GAS7: variants seen among roughly 807,000 people sequenced by gnomAD.
GAS7 encodes the protein growth arrest-specific protein 7.
In GAS7, 28 loss-of-function variants were observed where a neutral mutation model predicts 71.1. The ratio of observed to expected loss-of-function variants is 0.39; its 90% CI spans 0.29 to 0.54. The LOEUF is 0.54. Among genes scored for constraint, GAS7 ranks in the 20% least tolerant of loss-of-function variants. The probability of loss-of-function intolerance (pLI) is 0.62; values close to 1 mark genes in which losing one functional copy is unlikely to be tolerated. For missense variants in GAS7, 436 were observed against 627.8 expected (o/e 0.69, Z 3.27); for synonymous variants, 258 against 245.8 (o/e 1.05, Z -0.46).
At chr17:10,120,549 T>TA (rs2073896102) in intron 1 of GAS7, among the ~76,000 whole-genome samples, 1 of 152,006 alleles carries the variant, frequency 6.6e-6, no homozygotes, top group Non-Finnish European at 1.5e-5. Context: ...CCGTCTCTAC[T>TA]AAAAATACCA....
intron 9 of GAS7, among the ~76,000 whole-genome samples, chr17:9,927,334 CAA>C (rs1238561932): frequency 5.4e-5 from 8 of 148,214 alleles, no homozygotes; most frequent in African/African-American, 2.0e-4. Context: ...CACACACACA[CAA>C]ATTAGCTGGG....
chr17:10,057,325 C>T (rs1332981797), intron 1 of GAS7, among the ~76,000 whole-genome samples: 2 of 151,796 alleles, frequency 1.3e-5, no homozygotes, highest in Non-Finnish European at 2.9e-5. Flanking sequence ...CTCTTCCCAG[C>T]TGCCATCCCA....
intron 1 of GAS7, among the ~76,000 whole-genome samples, chr17:10,069,526 T>C (rs2073318371): frequency 6.6e-6 from 1 of 152,206 alleles, no homozygotes; most frequent in Non-Finnish European, 1.5e-5. Flanking sequence ...ATGACAAGCA[T>C]GAGCTCATTT....
intron 1 of GAS7, among the ~76,000 whole-genome samples, chr17:10,178,702 C>CTTTTT (rs397857157): frequency 0.011 from 387 of 34,602 alleles, 119 homozygotes; most frequent in Non-Finnish European, 0.014. Context: ...CCCCCACCAC[C>CTTTTT]TTTTTTTTTT....
chr17:10,177,236 C>T (rs1209597071), intron 1 of GAS7, among the ~76,000 whole-genome samples: 1 of 152,132 alleles, frequency 6.6e-6, no homozygotes. Context: ...ATCATTCCCT[C>T]GACAGGGATG....
chr17:10,106,308 C>T (rs1417401413), intron 1 of GAS7, among the ~76,000 whole-genome samples: 13 of 152,168 alleles, frequency 8.5e-5, no homozygotes, highest in East Asian at 1.9e-4. Context: ...CCGCAGACAC[C>T]GGCCCCTCCT....
chr17:9,939,430 G>A lies in GAS7; in HGVS notation c.806+696C>T, dbSNP rs185484496. Among the ~76,000 whole-genome samples the A allele has an allele frequency of 1.1e-4, 17 of 152,194 alleles. No homozygotes were observed. The East Asian group carries it at 2.5e-3, about 23-fold the overall frequency. Reference sequence around the variant, plus strand: ...CACAGGAGAGAGCTCCAGACAAAGCGGCCAGGTACAATACCCTCTCATACG... The same window carrying A: ...CACAGGAGAGAGCTCCAGACAAAGCAGCCAGGTACAATACCCTCTCATACG... On this transcript the variant is annotated intron_variant, in intron 8 of 13. Coordinates refer to ENST00000432992, the MANE Select transcript of GAS7 (RefSeq NM_201433.2).
chr17:9,933,150 C>T (rs901593208), intron 9 of GAS7, among the ~76,000 whole-genome samples: 3 of 151,878 alleles, frequency 2.0e-5, no homozygotes, highest in African/African-American at 2.4e-5. Flanking sequence ...CCAGCCTGGG[C>T]GACAAAGCAA....
At chr17:10,170,727 A>G (rs2074329724) in intron 1 of GAS7, among the ~76,000 whole-genome samples, 1 of 152,242 alleles carries the variant, frequency 6.6e-6, no homozygotes, top group Admixed American at 6.5e-5. Context: ...TGTGCCCTGC[A>G]CACGGCTGGC....
intron 3 of GAS7, among the ~76,000 whole-genome samples, chr17:9,979,951 C>T (rs961440091): frequency 8.5e-5 from 13 of 152,068 alleles, no homozygotes; most frequent in Admixed American, 3.3e-4. Flanking sequence ...ACAGTACGAA[C>T]GGGCCCATTT....
chr17:10,162,956 T>C (rs1167591410), intron 1 of GAS7, among the ~76,000 whole-genome samples: 1 of 152,192 alleles, frequency 6.6e-6, no homozygotes, highest in Non-Finnish European at 1.5e-5. Context: ...ATGTGCTTAA[T>C]ACTGAACTAT....
chr17:9,921,468 C>T (rs946259120), intron 11 of GAS7, among the ~76,000 whole-genome samples: 1 of 152,110 alleles, frequency 6.6e-6, no homozygotes, highest in Non-Finnish European at 1.5e-5. Context: ...AGGAGGGCGG[C>T]GTGCTGCTCT....
Position 9,918,781 on chromosome 17 carries a change from G to A in GAS7, c.1219-682C>T, listed in dbSNP as rs535741038. On this transcript the variant is annotated intron_variant, in intron 12 of 13. Coordinates refer to ENST00000432992, the MANE Select transcript of GAS7 (RefSeq NM_201433.2). The stretch of plus-strand genomic sequence containing the variant: ...GGTTTCTAGATGGTTTTGTGTCTTT[G>A]GAATCTAGGGGATCCGGCTGTTACT... Among the ~76,000 whole-genome samples, 29 of 152,300 alleles carry A rather than the reference G, an allele frequency of 1.9e-4. 1 individual carries two copies. Among genetic ancestry groups the A allele is most frequent in the Admixed American group, 1.1e-3 (17 of 15,292 alleles).
intron 8 of GAS7, among the ~76,000 whole-genome samples, chr17:9,935,322 G>A (rs916395597): frequency 1.3e-5 from 2 of 152,212 alleles, no homozygotes; most frequent in Admixed American, 6.5e-5. Context: ...GAGGCTTCAC[G>A]TAGAAGAAAT....
chr17:10,024,730 T>C (rs986368118), intron 1 of GAS7, among the ~76,000 whole-genome samples: 29 of 152,166 alleles, frequency 1.9e-4, no homozygotes, highest in African/African-American at 6.5e-4. Flanking sequence ...ATGATATATA[T>C]GGAAAGAGCA....
At chr17:10,146,921 T>C (rs1180718020) in intron 1 of GAS7, among the ~76,000 whole-genome samples, 1 of 149,994 alleles carries the variant, frequency 6.7e-6, no homozygotes, top group East Asian at 2.1e-4. Context: ...GCGGAGTTTG[T>C]AGTGAGCTGA....
chr17:10,009,923 T>G (rs2071702193), intron 2 of GAS7, among the ~76,000 whole-genome samples: 1 of 152,168 alleles, frequency 6.6e-6, no homozygotes, highest in African/African-American at 2.4e-5. Flanking sequence ...TTTCAGATTA[T>G]TTTTCTTTAT....
chr17:10,183,512 C>T (rs1485661940), intron 1 of GAS7, among the ~76,000 whole-genome samples: 3 of 152,092 alleles, frequency 2.0e-5, no homozygotes, highest in Non-Finnish European at 2.9e-5. Flanking sequence ...CCAGGCTCTC[C>T]TGATCCTCAG....
At position 10,094,894 on chromosome 17, in the gene GAS7, C is replaced by T. The variant is rs145233857; in HGVS notation, c.184-74997G>A. On this transcript the variant is annotated intron_variant, in intron 1 of 13. Coordinates refer to ENST00000432992, the MANE Select transcript of GAS7 (RefSeq NM_201433.2). ...AGCAAGAAGATACAGTTTATCATCC[C>T]GTCTTTTAACAACCTTCTCACTGCC... Among the ~76,000 whole-genome samples the T allele has an allele frequency of 1.8e-3, 277 of 152,322 alleles. 2 individuals carry two copies. The highest frequency in any genetic ancestry group is 2.7e-3 in the Admixed American group (41 of 15,294).
Sources: allele counts gnomAD v4.1 joint callset (sites outside exome capture counted in the v4.1 genomes callset), GRCh38; gene constraint gnomAD v4.1.1; transcripts MANE v1.5; gene names NCBI Gene and HGNC (gene_info 2026-07-23, HGNC 2026-07-21).